The following DMD variants were observed in gnomAD, a reference collection of about 807,000 sequenced individuals.
DMD encodes dystrophin, also known as mutant dystrophin.
Under a neutral mutation model 330.1 loss-of-function variants are expected in DMD, and 63 were observed. The observed-to-expected ratio is 0.19, with a 90% CI of 0.16 to 0.24. The LOEUF is 0.24. DMD is among the 10% of genes least tolerant of loss of function. The pLI, the probability that DMD is intolerant of heterozygous loss-of-function variation, is 1.00. For synonymous variants in DMD, 1,223 were observed against 959.8 expected (o/e 1.27, Z -5.07); for missense variants, 3,344 against 2,684.1 (o/e 1.25, Z -5.43).
chrX:31,481,565 T>C (rs746858306), intron 57 of DMD, among the ~76,000 whole-genome samples: 3 of 111,852 alleles, frequency 2.7e-5, no homozygotes, highest in African/African-American at 9.7e-5. Flanking sequence ...GTTGAGTAGA[T>C]GAGCAAACGC....
In DMD at chrX:32,573,570, T is replaced by G. The variant is rs1322935433; in HGVS notation, c.1772A>C (p.Lys591Thr). The change falls in exon 15 of 79, where the codon AAA becomes ACA. Residue 591 changes from lysine to threonine, a missense_variant. Lys to Thr is a moderately conservative substitution (Grantham distance 78). Transcript: ENST00000357033. ...ACTTGATAACATTTCATTTTGATCT[T>G]TAAAGCCAGTTGTGTGAATCTTGTT... The part of the protein sequence containing the change: ...AVNKIHTTGF[K>T]DQNEMLSSLQ... 2 of 1,210,447 alleles carry G rather than the reference T, an allele frequency of 1.7e-6. No homozygotes were observed. The highest frequency in any genetic ancestry group is 3.0e-5 in the East Asian group (1 of 33,787).
chrX:31,877,096 A>G (rs1297663976), intron 47 of DMD, among the ~76,000 whole-genome samples: 3 of 112,216 alleles, frequency 2.7e-5, no homozygotes, highest in African/African-American at 9.7e-5. Context: ...GAGATGAAAA[A>G]GAGAAAGTTG....
At chrX:31,760,564 T>A (rs1349691031) in intron 51 of DMD, among the ~76,000 whole-genome samples, 1 of 111,988 alleles carries the variant, frequency 8.9e-6, no homozygotes, top group Non-Finnish European at 1.9e-5. Flanking sequence ...CTAGGAGCAA[T>A]AGGCTATACC....
intron 62 of DMD, among the ~76,000 whole-genome samples, chrX:31,266,172 A>AAAAAAAAAAAAAAAAAAAAAAAAAAC (rs2051067604): frequency 9.7e-6 from 1 of 102,567 alleles, no homozygotes; most frequent in African/African-American, 3.7e-5. Flanking sequence ...AAAAAAAAAA[A>AAAAAAAAAAAAAAAAAAAAAAAAAAC]AAAAAAAAAA....
chrX:32,318,066 A>C (rs779316866), intron 41 of DMD, among the ~76,000 whole-genome samples: 8 of 111,314 alleles, frequency 7.2e-5, no homozygotes, highest in African/African-American at 2.6e-4. Flanking sequence ...ATAGGACTGC[A>C]GGCTTTAAGT....
rs149666202 is a variant in DMD, at chrX:32,202,779, A to G, written c.6438+14137T>C. The stretch of plus-strand genomic sequence containing the variant: ...AAAATAAGCATCACAGGATCACAAA[A>G]TCTGTTAAATATCTGTCTCCAATCA... On this transcript the variant is annotated intron_variant, in intron 44 of 78. Coordinates refer to ENST00000357033, the MANE Select transcript of DMD (RefSeq NM_004006.3). Among the ~76,000 whole-genome samples, 733 of 112,253 alleles carry G rather than the reference A, an allele frequency of 6.5e-3. 10 individuals carry two copies. Among genetic ancestry groups the G allele is most frequent in the African/African-American group, 0.023 (706 of 30,919 alleles).
chrX:31,683,259 A>G (rs1395997775), intron 52 of DMD, among the ~76,000 whole-genome samples: 1 of 112,158 alleles, frequency 8.9e-6, no homozygotes, highest in East Asian at 2.8e-4. Flanking sequence ...TCTCTATTTT[A>G]TTTACCATCT....
intron 60 of DMD, among the ~76,000 whole-genome samples, chrX:31,426,709 G>A (rs1569541059): frequency 8.9e-6 from 1 of 111,804 alleles, no homozygotes; most frequent in South Asian, 3.8e-4. Flanking sequence ...GTAATTACAG[G>A]GGTAATCATG....
intron 54 of DMD, among the ~76,000 whole-genome samples, chrX:31,644,313 C>T (rs1233405916): frequency 1.8e-5 from 2 of 111,600 alleles, no homozygotes; most frequent in Non-Finnish European, 3.8e-5. Flanking sequence ...GTTACAGAAC[C>T]TAACATCATA....
intron 56 of DMD, among the ~76,000 whole-genome samples, chrX:31,506,678 G>C (rs774282917): frequency 1.8e-5 from 2 of 111,923 alleles, no homozygotes; most frequent in African/African-American, 6.5e-5. Context: ...ACATAGAAGG[G>C]GGCAAAATAT....
chrX:31,512,811 G>A (rs1258622745), intron 55 of DMD, among the ~76,000 whole-genome samples: 1 of 110,879 alleles, frequency 9.0e-6, no homozygotes, highest in Non-Finnish European at 1.9e-5. Context: ...TTGACTTGGC[G>A]ATGTGGGCTC....
intron 47 of DMD, among the ~76,000 whole-genome samples, chrX:31,918,917 G>A (rs1479085609): frequency 1.8e-5 from 2 of 111,883 alleles, no homozygotes; most frequent in African/African-American, 3.2e-5. Context: ...GATTACAGGC[G>A]TGAGCCACCG....
At chrX:32,586,333 TTATA>T (rs1438481751) in intron 13 of DMD, among the ~76,000 whole-genome samples, 1 of 108,766 alleles carries the variant, frequency 9.2e-6, no homozygotes, top group East Asian at 2.9e-4. Flanking sequence ...TATATACTGC[TTATA>T]TAAACTATAT....
intron 29 of DMD, among the ~76,000 whole-genome samples, chrX:32,435,022 T>A (rs372803625): frequency 9.3e-6 from 1 of 107,274 alleles, no homozygotes; most frequent in Admixed American, 1.0e-4. Context: ...ATTTTAGATT[T>A]ATTGTTATTT....
At chrX:33,192,884 T>C (rs1277886455) in intron 1 of DMD, among the ~76,000 whole-genome samples, 2 of 112,376 alleles carry the variant, frequency 1.8e-5, no homozygotes, top group African/African-American at 6.5e-5. Flanking sequence ...GATTCCTGTG[T>C]TCATCTTTTT....
In DMD at chrX:32,660,164, C is replaced by G. The variant is rs181588721; in HGVS notation, c.961-15012G>C. On this transcript the variant is annotated intron_variant, in intron 9 of 78. Transcript: ENST00000357033. ...AGAACGCAGTAAGTCTTTTGCATTT[C>G]AGAAAAATAAAAGTATGAAACCTTT... is the stretch of plus-strand genomic sequence containing the variant. Among the ~76,000 whole-genome samples the G allele has an allele frequency of 4.5e-5, 5 of 110,680 alleles. No homozygotes were observed. The South Asian group carries it at 1.9e-3, about 43-fold the overall frequency.
intron 55 of DMD, among the ~76,000 whole-genome samples, chrX:31,527,205 T>C (rs2073312089): frequency 8.9e-6 from 1 of 111,848 alleles, no homozygotes; most frequent in Non-Finnish European, 1.9e-5. Flanking sequence ...AGTAAAAATA[T>C]TCAGATGGTA....
chrX:33,017,118 G>C (rs751923915), intron 2 of DMD, among the ~76,000 whole-genome samples: 2 of 111,507 alleles, frequency 1.8e-5, no homozygotes, highest in Admixed American at 9.6e-5. Context: ...ATTTTAAAAA[G>C]AGATAGGGCT....
chrX:32,583,235 C>T (rs2053856829), intron 13 of DMD, among the ~76,000 whole-genome samples: 1 of 111,895 alleles, frequency 8.9e-6, no homozygotes, highest in African/African-American at 3.3e-5. Context: ...GTAGCTCACG[C>T]CTGCAATCCC....
Sources: gnomAD v4.1 joint callset for allele counts (sites outside exome capture counted in the v4.1 genomes callset) on GRCh38, gnomAD v4.1.1 for gene constraint, MANE v1.5 for transcripts, NCBI Gene and HGNC (gene_info 2026-07-23, HGNC 2026-07-21) for gene names.